IST1: variants seen among roughly 807,000 people sequenced by gnomAD.
IST1 encodes the protein IST1 homolog.
IST1 carries 23 observed loss-of-function variants against 37.0 expected under a neutral mutation model. The ratio of observed to expected loss-of-function variants is 0.62; its 90% CI spans 0.45 to 0.88. IST1 has a LOEUF of 0.88. IST1 is among the 40% of genes least tolerant of loss of function. The probability of loss-of-function intolerance (pLI) is 0.00; values close to 1 mark genes in which losing one functional copy is unlikely to be tolerated. For missense variants in IST1, 488 were observed against 445.4 expected, an observed-to-expected ratio of 1.10 and a Z score of -0.86; for synonymous variants, 180 against 161.7, an observed-to-expected ratio of 1.11 and a Z score of -0.86.
At chr16:71,908,328 C>G (rs144582732) in intron 1 of IST1, among the ~76,000 whole-genome samples, 1,863 of 103,548 alleles carry the variant, frequency 0.018, 18 homozygotes, top group Non-Finnish European at 0.025. Context: ...TGGAGACAGT[C>G]TTGCTCTGTC....
intron 1 of IST1, among the ~76,000 whole-genome samples, chr16:71,914,241 C>G (rs972396240): frequency 4.0e-5 from 6 of 151,504 alleles, no homozygotes; most frequent in African/African-American, 1.5e-4. Context: ...TCACTGCAAC[C>G]TCCACCTCCC....
At chr16:71,924,289 T>C (rs2037684147) in intron 8 of IST1, 1 of 406,948 alleles carries the variant, frequency 2.5e-6, no homozygotes, top group South Asian at 1.8e-5. Context: ...ATGGTAAGGA[T>C]TTTTTTTTCT....
At chr16:71,899,738 G>A (rs988510087) in intron 1 of IST1, among the ~76,000 whole-genome samples, 1 of 149,330 alleles carries the variant, frequency 6.7e-6, no homozygotes, top group Non-Finnish European at 1.5e-5. Flanking sequence ...TTAGCTGGGC[G>A]AACAGCCGGG....
In IST1 at chr16:71,895,556, G is replaced by C; in HGVS notation, c.-49G>C. 1 of 985,626 alleles carries C rather than the reference G, an allele frequency of 1.0e-6. No homozygotes were observed. Among genetic ancestry groups the C allele is most frequent in the Non-Finnish European group, 1.2e-6 (1 of 830,020 alleles). 61.1% of individuals were successfully genotyped at this position (985,626 alleles called of 1,614,324 possible). On this transcript the variant is annotated 5_prime_UTR_variant, in exon 1 of 10. Transcript: ENST00000378799. ...ATTTTGGATGGTGAACCCTGAAGTC[G>C]GTGTCTGCTGCGTTCACGGCAGGAT...
intron 9 of IST1, 114 bp downstream of exon 9, chr16:71,924,931 G>A: frequency 2.8e-6 from 2 of 715,220 alleles, no homozygotes; most frequent in Non-Finnish European, 4.9e-6. Context: ...CTATCTGCAT[G>A]CCCTGTTCTC....
At chr16:71,909,818 A>T (rs1048518911) in intron 1 of IST1, among the ~76,000 whole-genome samples, 4 of 152,218 alleles carry the variant, frequency 2.6e-5, no homozygotes, top group African/African-American at 9.6e-5. Flanking sequence ...TCCGTGTTTA[A>T]GCTGGAGTAG....
intron 1 of IST1, among the ~76,000 whole-genome samples, chr16:71,899,248 A>G (rs768605442): frequency 2.6e-5 from 4 of 152,246 alleles, no homozygotes; most frequent in African/African-American, 4.8e-5. Context: ...GAAAATACAC[A>G]GTGAACTTTG....
At position 71,927,838 on chromosome 16, in the gene IST1, C is replaced by T. The variant is rs745753141; in HGVS notation, c.*25C>T. The T allele has an allele frequency of 1.8e-5, 28 of 1,567,608 alleles. No homozygotes were observed. Among genetic ancestry groups the T allele is most frequent in the Middle Eastern group, 1.7e-4 (1 of 6,010 alleles). On this transcript the variant is annotated 3_prime_UTR_variant, in exon 10 of 10. Coordinates refer to ENST00000378799, the MANE Select transcript of IST1 (RefSeq NM_001270975.2). ...GGTCTCTTAAACCAGGCAACTTTCA[C>T]GTTTTGGGAGTTGAGACTGAGCAAT...
Position 71,927,906 on chromosome 16 carries a change from TGTTAACCGTCACTCA to T in IST1, c.*95_*109del. The T allele has an allele frequency of 3.3e-6, 3 of 908,302 alleles. No individual in the cohort carries two copies. Among genetic ancestry groups the T allele is most frequent in the Non-Finnish European group, 5.3e-6 (3 of 564,500 alleles). 56.3% of individuals were successfully genotyped at this position (908,302 alleles called of 1,614,324 possible). A position where few individuals can be genotyped will look rare whatever the true frequency, so the allele number is the denominator to read the frequency against. On this transcript the variant is annotated 3_prime_UTR_variant, in exon 10 of 10. Transcript: ENST00000378799. ...AATCTCCATGAAATTCTGTTTCATC[TGTTAACCGTCACTCA>T]GCACAACACTCCCTCTGGGCTCTCT...
intron 8 of IST1, chr16:71,923,608 G>C (rs1406770488): frequency 2.6e-6 from 1 of 381,086 alleles, no homozygotes; most frequent in Non-Finnish European, 4.8e-6. Context: ...CCAGGAATCA[G>C]GAAGGAACTG....
chr16:71,901,013 A>G (rs1442632397), intron 1 of IST1, among the ~76,000 whole-genome samples: 7 of 152,246 alleles, frequency 4.6e-5, no homozygotes, highest in Admixed American at 6.5e-5. Flanking sequence ...TGATGTGTAT[A>G]TAATCACATA....
chr16:71,920,254 G>A (rs2037549940), intron 4 of IST1, among the ~76,000 whole-genome samples: 1 of 152,220 alleles, frequency 6.6e-6, no homozygotes, highest in African/African-American at 2.4e-5. Context: ...ATCTAGCACA[G>A]ATATCTTGGT....
chr16:71,923,590 C>A, intron 8 of IST1: 1 of 404,314 alleles, frequency 2.5e-6, no homozygotes, highest in South Asian at 3.5e-5. Context: ...GCTTTGTCTG[C>A]AATTAAGCCA....
intron 1 of IST1, among the ~76,000 whole-genome samples, chr16:71,900,261 T>A (rs1220411975): frequency 1.3e-5 from 2 of 151,544 alleles, no homozygotes; most frequent in Non-Finnish European, 2.9e-5. Context: ...GTCTTGACCT[T>A]GCTCTCTCCC....
At chr16:71,922,778 A>G in intron 7 of IST1, 98 bp downstream of exon 7, 1 of 973,228 alleles carries the variant, frequency 1.0e-6, no homozygotes, top group Non-Finnish European at 1.6e-6. Context: ...GTCAGGAGCC[A>G]TTAGCAGTAA....
Position 71,916,499 on chromosome 16 carries a change from C to T in IST1, c.126C>T (p.Asp42=). The change falls in exon 3 of 10, where the codon GAC becomes GAT. Residue 42 remains aspartate, a synonymous_variant. Coordinates refer to ENST00000378799, the MANE Select transcript of IST1 (RefSeq NM_001270975.2). ...LAQKARKEIA[D]YLAAGKDERA... is the part of the protein sequence containing the mutation. ...AGAAAGCAAGGAAGGAGATTGCTGA[C>T]TATCTGGCTGCTGGGAAAGATGAAC... 1 of 1,613,142 alleles carries T rather than the reference C, an allele frequency of 6.2e-7. No individual in the cohort carries two copies. The highest frequency in any genetic ancestry group is 8.5e-7 in the Non-Finnish European group (1 of 1,179,850).
At chr16:71,913,931 C>G (rs528885983) in intron 1 of IST1, among the ~76,000 whole-genome samples, 1 of 152,268 alleles carries the variant, frequency 6.6e-6, no homozygotes, top group South Asian at 2.1e-4. Flanking sequence ...GCCTCAGCCT[C>G]CGGAGTAGCT....
intron 9 of IST1, 69 bp downstream of exon 9, chr16:71,924,886 C>T: frequency 9.1e-7 from 1 of 1,096,068 alleles, no homozygotes; most frequent in Admixed American, 1.7e-5. Flanking sequence ...CATTATTGTT[C>T]CTCCCTTAGA....
intron 6 of IST1, 116 bp from the exon 7 acceptor site, chr16:71,922,358 A>G: frequency 1.2e-6 from 1 of 824,612 alleles, no homozygotes; most frequent in South Asian, 1.6e-5. Context: ...ACAGGTGTTG[A>G]TCCCAGAAGC....
Sources: gnomAD v4.1 joint callset for allele counts (sites outside exome capture counted in the v4.1 genomes callset) on GRCh38, gnomAD v4.1.1 for gene constraint, MANE v1.5 for transcripts, NCBI Gene and HGNC (gene_info 2026-07-23, HGNC 2026-07-21) for gene names.